Variants in FBXO45 observed in about 807,000 individuals in gnomAD.
The protein encoded by FBXO45 is F-box/SPRY domain-containing protein 1.
FBXO45 carries 3 observed loss-of-function variants against 25.5 expected under a neutral mutation model. The ratio of observed to expected loss-of-function variants is 0.12; its 90% CI spans 0.05 to 0.30. The LOEUF (loss-of-function observed/expected upper bound fraction) is 0.30. FBXO45 is among the 10% of genes least tolerant of loss of function. The pLI, the probability that FBXO45 is intolerant of heterozygous loss-of-function variation, is 1.00. For missense variants in FBXO45, 219 were observed against 365.0 expected (o/e 0.60, Z 3.26); for synonymous variants, 155 against 149.8 (o/e 1.03, Z -0.25).
rs1446243709 is a variant in FBXO45, at chr3:196,569,572, C to G, written c.318+270C>G. On this transcript the variant is annotated intron_variant, in intron 1 of 2. Transcript: ENST00000311630. The surrounding 1 kb of genome is among the most constrained non-coding windows in gnomAD (Gnocchi z 4.1). Reference sequence around the variant, plus strand: ...CTCATTCAACTTTTGACAGTTTTCCCCGTTAAAGACAGACCACCACTCTTG... The same window carrying G: ...CTCATTCAACTTTTGACAGTTTTCCGCGTTAAAGACAGACCACCACTCTTG... Among the ~76,000 whole-genome samples the G allele has an allele frequency of 6.6e-6, 1 of 152,152 alleles. No homozygotes were observed. Among genetic ancestry groups the G allele is most frequent in the Non-Finnish European group, 1.5e-5 (1 of 68,026 alleles).
At chr3:196,582,680 T>A (rs1290388434) in intron 2 of FBXO45, among the ~76,000 whole-genome samples, 1 of 152,148 alleles carries the variant, frequency 6.6e-6, no homozygotes, top group Non-Finnish European at 1.5e-5. Context: ...CTGCTTCCAG[T>A]TTCGTTTAAT....
At chr3:196,573,043 T>G (rs193260421) in intron 1 of FBXO45, among the ~76,000 whole-genome samples, 5 of 152,260 alleles carry the variant, frequency 3.3e-5, no homozygotes, top group Non-Finnish European at 7.4e-5. Flanking sequence ...CACTTCAGCC[T>G]TCTGTGTGGC....
intron 1 of FBXO45, among the ~76,000 whole-genome samples, chr3:196,572,588 G>A (rs1735847046): frequency 6.6e-6 from 1 of 152,160 alleles, no homozygotes; most frequent in Non-Finnish European, 1.5e-5. Context: ...GCTGGTTTGA[G>A]ATAAGATGGA....
intron 2 of FBXO45, among the ~76,000 whole-genome samples, chr3:196,578,271 G>A (rs963983193): frequency 1.3e-5 from 2 of 151,860 alleles, no homozygotes; most frequent in African/African-American, 2.4e-5. Flanking sequence ...TCCTAACCTC[G>A]TGATTCACCT....
chr3:196,584,944 C>G lies in FBXO45; in HGVS notation c.*626C>G, dbSNP rs1736079987. ...GTTCTAGTTCTAATTTCTTAAAAAC[C>G]ACTACATGGTTACAAAATTGGAATA... is the stretch of plus-strand genomic sequence containing the variant. On this transcript the variant is annotated 3_prime_UTR_variant, in exon 3 of 3. Coordinates refer to ENST00000311630, the MANE Select transcript of FBXO45 (RefSeq NM_001105573.2). This position sits in a 1 kb window ranked among gnomAD's most constrained non-coding sequence, Gnocchi z 4.3. The G allele has an allele frequency of 6.6e-6, 1 of 151,446 alleles. No homozygotes were observed. The highest frequency in any genetic ancestry group is 1.5e-5 in the Non-Finnish European group (1 of 67,944). The allele number at this position is 151,446 out of a possible 1,614,324, so 9.4% of individuals were successfully genotyped here. A position where few individuals can be genotyped will look rare whatever the true frequency, so the allele number is the denominator to read the frequency against.
At chr3:196,582,346 T>C (rs1736027232) in intron 2 of FBXO45, among the ~76,000 whole-genome samples, 1 of 152,202 alleles carries the variant, frequency 6.6e-6, no homozygotes. Flanking sequence ...ACTTTGTTAA[T>C]ATTTTGTTGG....
chr3:196,572,584 T>C (rs980139953), intron 1 of FBXO45, among the ~76,000 whole-genome samples: 1 of 152,080 alleles, frequency 6.6e-6, no homozygotes, highest in African/African-American at 2.4e-5. Flanking sequence ...TGATGCTGGT[T>C]TGAGATAAGA....
intron 1 of FBXO45, among the ~76,000 whole-genome samples, chr3:196,572,245 CAAAT>C (rs1320828761): frequency 6.6e-6 from 1 of 152,122 alleles, no homozygotes; most frequent in Non-Finnish European, 1.5e-5. Context: ...GATGCAATGG[CAAAT>C]AAAACAAACA....
intron 1 of FBXO45, among the ~76,000 whole-genome samples, chr3:196,572,347 C>T (rs1365303970): frequency 1.3e-5 from 2 of 152,152 alleles, no homozygotes; most frequent in African/African-American, 4.8e-5. Flanking sequence ...AGATGTAAAA[C>T]CGCATCTGGT....
intron 1 of FBXO45, among the ~76,000 whole-genome samples, chr3:196,575,163 G>A (rs1381891891): frequency 3.3e-5 from 5 of 152,168 alleles, no homozygotes; most frequent in Admixed American, 2.6e-4. Context: ...ATAGAAGTTT[G>A]AGGAAGAGAG....
At chr3:196,573,938 C>CTTTT (rs34587292) in intron 1 of FBXO45, among the ~76,000 whole-genome samples, 46 of 125,748 alleles carry the variant, frequency 3.7e-4, no homozygotes, top group African/African-American at 1.2e-3. Context: ...CTTTATTTTC[C>CTTTT]TTTTTTTTTT....
intron 1 of FBXO45, among the ~76,000 whole-genome samples, chr3:196,572,324 CAAAT>C (rs1350246125): frequency 6.6e-6 from 1 of 152,150 alleles, no homozygotes; most frequent in Non-Finnish European, 1.5e-5. Flanking sequence ...GGATATTAAT[CAAAT>C]AATCACACAG....
intron 2 of FBXO45, among the ~76,000 whole-genome samples, chr3:196,582,520 A>G (rs1736030513): frequency 6.6e-6 from 1 of 151,590 alleles, no homozygotes; most frequent in African/African-American, 2.4e-5. Flanking sequence ...GGTTATAATC[A>G]GGTAGAATTA....
intron 1 of FBXO45, among the ~76,000 whole-genome samples, chr3:196,570,382 C>T (rs1413433098): frequency 6.6e-6 from 1 of 151,686 alleles, no homozygotes; most frequent in African/African-American, 2.4e-5. Context: ...GGATTACAGG[C>T]ATGCGCCACC....
At position 196,587,398 on chromosome 3, in the gene FBXO45, A is replaced by G. The variant is rs559368539; in HGVS notation, c.*3080A>G. The G allele has an allele frequency of 3.9e-5, 6 of 152,272 alleles. No individual in the cohort carries two copies. The highest frequency in any genetic ancestry group is 1.9e-4 in the East Asian group (1 of 5,190). 9.4% of individuals were successfully genotyped at this position (152,272 alleles called of 1,614,324 possible). A position where few individuals can be genotyped will look rare whatever the true frequency, so the allele number is the denominator to read the frequency against. On this transcript the variant is annotated 3_prime_UTR_variant, in exon 3 of 3. Coordinates refer to ENST00000311630, the MANE Select transcript of FBXO45 (RefSeq NM_001105573.2). ...CACATAAAGTGTAGATATGGATTCA[A>G]TAAGACACCAAAAGAAAGTAAGATT...
chr3:196,577,407 G>A, intron 1 of FBXO45, 46 bp from the exon 2 acceptor site: 1 of 1,367,172 alleles, frequency 7.3e-7, no homozygotes, highest in African/African-American at 1.5e-5. Context: ...TAATATTTAA[G>A]AAAAATAAAA....
chr3:196,586,406 T>C lies in FBXO45; in HGVS notation c.*2088T>C, dbSNP rs1304765578. The C allele has an allele frequency of 6.6e-6, 1 of 152,204 alleles. No individual in the cohort carries two copies. The highest frequency in any genetic ancestry group is 1.5e-5 in the Non-Finnish European group (1 of 68,038). 9.4% of individuals were successfully genotyped at this position (152,204 alleles called of 1,614,324 possible). On this transcript the variant is annotated 3_prime_UTR_variant, in exon 3 of 3. Transcript: ENST00000311630. Reference sequence around the variant, plus strand: ...GCGTATTGGACCTAGAATGAAATAATTGCCTCAATATTTAACAACAAGCCA... The same window carrying C: ...GCGTATTGGACCTAGAATGAAATAACTGCCTCAATATTTAACAACAAGCCA...
At chr3:196,570,056 A>C (rs1735768853) in intron 1 of FBXO45, among the ~76,000 whole-genome samples, 1 of 152,148 alleles carries the variant, frequency 6.6e-6, no homozygotes, top group Non-Finnish European at 1.5e-5. Context: ...TTCATATACA[A>C]AATAAAAATG....
At chr3:196,583,505 CAAAAA>C (rs36064486) in intron 2 of FBXO45, among the ~76,000 whole-genome samples, 3 of 65,408 alleles carry the variant, frequency 4.6e-5, no homozygotes, top group Admixed American at 1.7e-4. Context: ...GACTCCGTCT[CAAAAA>C]AAAAAAAAAA....
Sources: allele counts gnomAD v4.1 joint callset (sites outside exome capture counted in the v4.1 genomes callset), GRCh38; gene constraint gnomAD v4.1.1; non-coding constraint Gnocchi (gnomAD v3.1); transcripts MANE v1.5; gene names NCBI Gene and HGNC (gene_info 2026-07-23, HGNC 2026-07-21).